Variants in ENOSF1 observed in about 807,000 individuals in gnomAD.
ENOSF1 encodes enolase superfamily member 1, also known as mitochondrial enolase superfamily member 1.
A neutral mutation model predicts 68.2 loss-of-function variants in ENOSF1; 73 were observed. The observed-to-expected ratio is 1.07, with a 90% CI of 0.89 to 1.30. ENOSF1 has a LOEUF of 1.30. Ranked by LOEUF, ENOSF1 falls within the 50% of genes most tolerant of loss-of-function variation. The pLI, the probability that ENOSF1 is intolerant of heterozygous loss-of-function variation, is 0.00. For synonymous variants in ENOSF1, 223 were observed against 210.4 expected (o/e 1.06, Z -0.52); for missense variants, 589 against 554.5 (o/e 1.06, Z -0.62).
intron 1 of ENOSF1, among the ~76,000 whole-genome samples, chr18:712,157 A>G (rs550863315): frequency 6.6e-6 from 1 of 152,334 alleles, no homozygotes; most frequent in South Asian, 2.1e-4. Flanking sequence ...AGGATATTCT[A>G]AACTCCAGCA....
intron 14 of ENOSF1, among the ~76,000 whole-genome samples, chr18:676,435 A>C (rs994983749): frequency 2.0e-5 from 3 of 152,028 alleles, no homozygotes; most frequent in African/African-American, 7.2e-5. Flanking sequence ...CTGTTGTTTA[A>C]AAGTGTGTAG....
At chr18:668,638 C>T (rs747376185), downstream of ENOSF1, among the ~76,000 whole-genome samples, 1 of 152,158 alleles carries the variant, frequency 6.6e-6, no homozygotes, top group Non-Finnish European at 1.5e-5. Flanking sequence ...CTATATTCTA[C>T]ATAAGATACA....
intron 11 of ENOSF1, among the ~76,000 whole-genome samples, chr18:681,708 C>T (rs1022954316): frequency 6.6e-6 from 1 of 152,202 alleles, no homozygotes; most frequent in Non-Finnish European, 1.5e-5. Context: ...TCTCCCTCGT[C>T]CCAGCCCACA....
intron 1 of ENOSF1, 150 bp downstream of exon 1, chr18:712,354 G>C: frequency 6.9e-7 from 1 of 1,438,882 alleles, no homozygotes. Context: ...CGCAAGCCGC[G>C]CGTACCATGG....
Position 694,334 on chromosome 18 carries a change from T to C in ENOSF1, c.310A>G (p.Ile104Val), listed in dbSNP as rs759891773. 1.3e-5 allele frequency: 21 copies of C among 1,613,896 alleles called. No individual in the cohort carries two copies. The highest frequency in any genetic ancestry group is 6.8e-6 in the Non-Finnish European group (8 of 1,179,994). ...TGCACCACGCCCTTTTCTGGACCAA[T>C]CTGGTTAGGAAGCAAAGTACAAAAG... ...QLTSDGQLRWIGPEKGVVHLA... is the reference protein window; with the variant it reads ...QLTSDGQLRWVGPEKGVVHLA... The change falls in exon 4 of 16, where the codon ATT (isoleucine) becomes GTT (valine). Residue 104 changes from isoleucine to valine, a missense_variant and splice_region_variant. Coordinates refer to ENST00000647584, the MANE Select transcript of ENOSF1 (RefSeq NM_017512.7).
chr18:694,252 C>A lies in ENOSF1; in HGVS notation c.392G>T (p.Gly131Val). Residue 131 changes from glycine to valine, a missense_variant, in exon 4 of 16, where the codon GGA becomes GTA. Gly to Val is a moderately radical substitution (Grantham distance 109). Coordinates refer to ENST00000647584, the MANE Select transcript of ENOSF1 (RefSeq NM_017512.7). The stretch of plus-strand genomic sequence containing the variant: ...AGCGTTTGTGAGAGGGGTTACCTTT[C>A]CCTCCTGCTTGGCCCACAAGTCCCA... ...AVWDLWAKQE[G>V]KPVWKLLVDM... 2.5e-6 allele frequency: 4 copies of A among 1,614,080 alleles called. No individual in the cohort carries two copies. The highest frequency in any genetic ancestry group is 3.4e-6 in the Non-Finnish European group (4 of 1,179,996).
chr18:682,924 A>AAC (rs1555650472), intron 11 of ENOSF1: 52 of 204,386 alleles, frequency 2.5e-4, no homozygotes, highest in Middle Eastern at 1.7e-3. Context: ...CCAAAAAACA[A>AAC]AAAAAAAAAA....
intron 12 of ENOSF1, 170 bp from the exon 13 acceptor site, chr18:678,042 A>G (rs2075690811): frequency 5.7e-6 from 4 of 707,086 alleles, no homozygotes; most frequent in Non-Finnish European, 8.8e-6. Context: ...GAGCTTTTAT[A>G]GCGTGGGCAG....
rs1236701352 is a variant in ENOSF1 at position 672,606 on chromosome 18, T to A, written c.*1699A>T. On this transcript the variant is annotated 3_prime_UTR_variant, in exon 16 of 16. Coordinates refer to ENST00000647584, the MANE Select transcript of ENOSF1 (RefSeq NM_017512.7). The stretch of plus-strand genomic sequence containing the variant: ...ATTTGCCAAGAGTGGTTATAAGAAC[T>A]TACACCTGATGAGGCACCAGGCTCC... 6.3e-6 allele frequency: 2 copies of A among 317,520 alleles called. No homozygotes were observed. Among genetic ancestry groups the A allele is most frequent in the Admixed American group, 4.3e-5 (1 of 23,064 alleles). 19.7% of individuals were successfully genotyped at this position (317,520 alleles called of 1,614,324 possible).
intron 11 of ENOSF1, among the ~76,000 whole-genome samples, chr18:682,246 T>C (rs1302933062): frequency 1.3e-5 from 2 of 152,046 alleles, no homozygotes; most frequent in Non-Finnish European, 2.9e-5. Flanking sequence ...CCCTAGATGG[T>C]AGAGACTACT....
Position 671,279 on chromosome 18 carries a change from TAA to T in ENOSF1, c.*3024_*3025del. The stretch of plus-strand genomic sequence containing the variant: ...GAAAAGCTACACTAAATTATTTTTT[TAA>T]AAAAAGCCTTGCGGTGTCTGCATAT... On this transcript the variant is annotated 3_prime_UTR_variant, in exon 16 of 16. Transcript: ENST00000647584. The T allele has an allele frequency of 1.2e-6, 1 of 835,854 alleles. No individual in the cohort carries two copies. Among genetic ancestry groups the T allele is most frequent in the Non-Finnish European group, 2.0e-6 (1 of 492,990 alleles). The allele number at this position is 835,854 out of a possible 1,614,324, so 51.8% of individuals were successfully genotyped here.
rs944582907 is a variant in ENOSF1, at chr18:671,195, G to A, written c.*3110C>T. 6 of 621,016 alleles carry A rather than the reference G, an allele frequency of 9.7e-6. No individual in the cohort carries two copies. Among genetic ancestry groups the A allele is most frequent in the African/African-American group, 9.2e-5 (5 of 54,214 alleles). 38.5% of individuals were successfully genotyped at this position (621,016 alleles called of 1,614,324 possible). A position where few individuals can be genotyped will look rare whatever the true frequency, so the allele number is the denominator to read the frequency against. On this transcript the variant is annotated 3_prime_UTR_variant, in exon 16 of 16. Transcript: ENST00000647584. ...ACTGAGACAGGAGCAATTGCTTGAG[G>A]TCTGGAGTTCAATACCAGCCTGGGC...
downstream of ENOSF1, among the ~76,000 whole-genome samples, chr18:666,230 T>C (rs2074813039): frequency 6.6e-6 from 1 of 151,452 alleles, no homozygotes; most frequent in Non-Finnish European, 1.5e-5. Context: ...GATAGCTGCA[T>C]GGTTGGTGTT....
downstream of ENOSF1, chr18:667,620 T>TGATGGA (rs2074884491): frequency 1.5e-5 from 2 of 129,166 alleles, no homozygotes; most frequent in East Asian, 2.1e-4. Flanking sequence ...TGGAGATGGG[T>TGATGGA]GATGGTGATG....
intron 3 of ENOSF1, among the ~76,000 whole-genome samples, chr18:696,503 G>A (rs888678356): frequency 1.3e-5 from 2 of 151,950 alleles, no homozygotes; most frequent in African/African-American, 2.4e-5. Flanking sequence ...GAGCCACCGC[G>A]CCCGGCCTGA....
chr18:712,019 C>T (rs1312463228), intron 1 of ENOSF1, among the ~76,000 whole-genome samples: 1 of 152,202 alleles, frequency 6.6e-6, no homozygotes, highest in Non-Finnish European at 1.5e-5. Flanking sequence ...GTTCAGGGTA[C>T]AGAGGAAGCC....
intron 11 of ENOSF1, among the ~76,000 whole-genome samples, chr18:680,599 A>C (rs539330546): frequency 1.4e-5 from 2 of 146,950 alleles, no homozygotes; most frequent in South Asian, 4.4e-4. Context: ...CACCTCCCAC[A>C]CACCCTCTGT....
chr18:674,393 G>T lies in ENOSF1; in HGVS notation c.1244C>A (p.Ser415Ter). ...SYMPPKDPGY[S>*]TEMKEESVKK... ...TACAGATTCCTCCTTCATTTCTGTT[G>T]AGTAGCCGGGATCCTATCAAAGACC... Residue 415 changes from serine to a stop codon, truncating the protein, a stop_gained, in exon 16 of 16, where the codon TCA (serine) becomes TAA (stop). Transcript: ENST00000647584. LOFTEE classifies it high-confidence loss of function. 6.2e-7 allele frequency: 1 copy of T among 1,611,288 alleles called. No homozygotes were observed. The highest frequency in any genetic ancestry group is 1.1e-5 in the South Asian group (1 of 90,480).
At position 670,839 on chromosome 18, in the gene ENOSF1, A is replaced by G; in HGVS notation, c.*3466T>C. ...ATCGCCAGCTACGCCCTGCTCACGTACATGATTGCGCACATCACGGGCCTG... is the reference window on the plus strand; with the variant it reads ...ATCGCCAGCTACGCCCTGCTCACGTGCATGATTGCGCACATCACGGGCCTG... On this transcript the variant is annotated 3_prime_UTR_variant, in exon 16 of 16. Coordinates refer to ENST00000647584, the MANE Select transcript of ENOSF1 (RefSeq NM_017512.7). 6.2e-7 allele frequency: 1 copy of G among 1,613,998 alleles called. No homozygotes were observed. The highest frequency in any genetic ancestry group is 8.5e-7 in the Non-Finnish European group (1 of 1,179,994).
Sources: allele counts gnomAD v4.1 joint callset (sites outside exome capture counted in the v4.1 genomes callset), GRCh38; gene constraint gnomAD v4.1.1; transcripts MANE v1.5; gene names NCBI Gene and HGNC (gene_info 2026-07-23, HGNC 2026-07-21).